Variants in GLRB observed in about 807,000 individuals in gnomAD.
GLRB encodes the protein glycine receptor beta.
Under a neutral mutation model 54.2 loss-of-function variants are expected in GLRB, and 33 were observed. The ratio of observed to expected loss-of-function variants is 0.61; its 90% confidence interval spans 0.46 to 0.81. The LOEUF is 0.81. Among genes scored for constraint, GLRB ranks in the 40% least tolerant of loss-of-function variants. The probability of loss-of-function intolerance (pLI) is 0.00; values close to 1 mark genes in which losing one functional copy is unlikely to be tolerated. For synonymous variants in GLRB, 209 were observed against 208.2 expected (o/e 1.00, Z -0.03); for missense variants, 572 against 584.6 (o/e 0.98, Z 0.22).
chr4:157,117,283 T>C (rs543637281), intron 2 of GLRB, among the ~76,000 whole-genome samples: 73 of 151,792 alleles, frequency 4.8e-4, no homozygotes, highest in Admixed American at 1.1e-3. Flanking sequence ...TTCTTGGCTC[T>C]ACCACCTTAG....
chr4:157,096,881 T>A (rs1734833013), intron 2 of GLRB, among the ~76,000 whole-genome samples: 1 of 152,308 alleles, frequency 6.6e-6, no homozygotes, highest in African/African-American at 2.4e-5. Context: ...TAGCAAAAAC[T>A]TTGTTATCCC....
intron 9 of GLRB, among the ~76,000 whole-genome samples, chr4:157,158,111 G>A (rs1560975077): frequency 6.6e-6 from 1 of 152,036 alleles, no homozygotes; most frequent in Non-Finnish European, 1.5e-5. Context: ...TTTTTCATGT[G>A]TCTGTTGGCT....
At chr4:157,078,173 A>G (rs202157969) in intron 2 of GLRB, 27 bp downstream of exon 2, 1 of 1,610,290 alleles carries the variant, frequency 6.2e-7, no homozygotes, top group African/African-American at 1.3e-5. Flanking sequence ...TTATATTCTT[A>G]TATGGAGAAA....
intron 2 of GLRB, among the ~76,000 whole-genome samples, chr4:157,108,208 T>C (rs1735292465): frequency 6.6e-6 from 1 of 152,132 alleles, no homozygotes; most frequent in Non-Finnish European, 1.5e-5. Context: ...GCATCCATTC[T>C]TCAGACCATG....
At chr4:157,138,262 C>T (rs1736479193) in intron 6 of GLRB, among the ~76,000 whole-genome samples, 2 of 152,068 alleles carry the variant, frequency 1.3e-5, no homozygotes, top group South Asian at 4.1e-4. Flanking sequence ...TTTTAGTAGA[C>T]ATGGGGTTTC....
At chr4:157,165,298 A>G (rs1737664531) in intron 9 of GLRB, among the ~76,000 whole-genome samples, 1 of 152,050 alleles carries the variant, frequency 6.6e-6, no homozygotes, top group Admixed American at 6.5e-5. Context: ...TTTTAATTCA[A>G]TGGTTTTGCA....
intron 9 of GLRB, among the ~76,000 whole-genome samples, chr4:157,156,547 G>A (rs908746099): frequency 5.3e-5 from 8 of 151,972 alleles, no homozygotes; most frequent in African/African-American, 1.7e-4. Context: ...CTCTTACCTG[G>A]TTGCCCTGGC....
intron 2 of GLRB, among the ~76,000 whole-genome samples, chr4:157,079,676 G>A (rs1212128811): frequency 6.6e-6 from 1 of 152,124 alleles, no homozygotes; most frequent in Non-Finnish European, 1.5e-5. Context: ...ATGGAGGCAG[G>A]TTCAGGAATA....
chr4:157,090,951 A>G (rs1734587446), intron 2 of GLRB, among the ~76,000 whole-genome samples: 1 of 152,158 alleles, frequency 6.6e-6, no homozygotes, highest in Non-Finnish European at 1.5e-5. Flanking sequence ...TGTTTCTCAA[A>G]GTTACAGGTT....
intron 8 of GLRB, among the ~76,000 whole-genome samples, chr4:157,144,670 CTG>C (rs1736743220): frequency 6.6e-6 from 1 of 152,084 alleles, no homozygotes; most frequent in Admixed American, 6.5e-5. Flanking sequence ...TACTGTGTGT[CTG>C]TGTGTTTTCT....
intron 4 of GLRB, among the ~76,000 whole-genome samples, chr4:157,133,484 TTA>T (rs1336479172): frequency 6.6e-6 from 1 of 151,986 alleles, no homozygotes; most frequent in Non-Finnish European, 1.5e-5. Context: ...GGTTTTTGTT[TTA>T]TGTTTACATA....
intron 2 of GLRB, among the ~76,000 whole-genome samples, chr4:157,109,600 G>A (rs1735343956): frequency 6.6e-6 from 1 of 151,884 alleles, no homozygotes; most frequent in Non-Finnish European, 1.5e-5. Flanking sequence ...CCTGGTGATA[G>A]TGTTGGATCA....
In GLRB at chr4:157,170,733, T is replaced by C; in HGVS notation, c.*5T>C. On this transcript the variant is annotated 3_prime_UTR_variant, in exon 10 of 10. Transcript: ENST00000264428. ...TATTGGTCTATATATTTATGATAAA[T>C]CTTTTCCATTTGTACAAAATAAAAT... 7.1e-7 allele frequency: 1 copy of C among 1,404,616 alleles called. No individual in the cohort carries two copies. The highest frequency in any genetic ancestry group is 9.7e-7 in the Non-Finnish European group (1 of 1,035,468). 87.0% of individuals were successfully genotyped at this position (1,404,616 alleles called of 1,614,324 possible). A position where few individuals can be genotyped will look rare whatever the true frequency, so the allele number is the denominator to read the frequency against.
At chr4:157,132,035 T>A (rs1207741808) in intron 4 of GLRB, among the ~76,000 whole-genome samples, 1 of 151,686 alleles carries the variant, frequency 6.6e-6, no homozygotes, top group Non-Finnish European at 1.5e-5. Flanking sequence ...AATGAATGAG[T>A]TTTTTCCACT....
intron 2 of GLRB, among the ~76,000 whole-genome samples, chr4:157,117,636 A>T (rs956307533): frequency 6.6e-6 from 1 of 151,674 alleles, no homozygotes; most frequent in Non-Finnish European, 1.5e-5. Flanking sequence ...AGAGAGTGCC[A>T]CAGGACAAAA....
chr4:157,123,718 A>G (rs568231311), intron 4 of GLRB, among the ~76,000 whole-genome samples: 2 of 151,940 alleles, frequency 1.3e-5, no homozygotes, highest in Admixed American at 6.6e-5. Flanking sequence ...TTCCAAGAGT[A>G]AGAGATATCA....
chr4:157,093,740 G>A (rs920036152), intron 2 of GLRB, among the ~76,000 whole-genome samples: 2 of 132,344 alleles, frequency 1.5e-5, no homozygotes, highest in African/African-American at 2.9e-5. Flanking sequence ...GGGCGACAGA[G>A]CGAGACTCCA....
chr4:157,108,369 A>G (rs553840050), intron 2 of GLRB, among the ~76,000 whole-genome samples: 141 of 152,268 alleles, frequency 9.3e-4, no homozygotes, highest in African/African-American at 3.1e-3. Flanking sequence ...AGATACCATT[A>G]AGAACATTTG....
At chr4:157,097,179 A>G (rs185322594) in intron 2 of GLRB, among the ~76,000 whole-genome samples, 1 of 152,188 alleles carries the variant, frequency 6.6e-6, no homozygotes, top group Non-Finnish European at 1.5e-5. Context: ...CAAATCATAT[A>G]TTGATAATTT....
Sources: allele counts gnomAD v4.1 joint callset (sites outside exome capture counted in the v4.1 genomes callset), GRCh38; gene constraint gnomAD v4.1.1; transcripts MANE v1.5; gene names NCBI Gene and HGNC (gene_info 2026-07-23, HGNC 2026-07-21).